Variants in DLG4 observed in about 807,000 individuals in gnomAD.
The protein encoded by DLG4 is discs large MAGUK scaffold protein 4.
Under a neutral mutation model 93.8 loss-of-function variants are expected in DLG4, and 7 were observed. The ratio of observed to expected loss-of-function variants is 0.07; its 90% CI spans 0.04 to 0.14. The LOEUF (loss-of-function observed/expected upper bound fraction) is 0.14, where lower values mean the gene tolerates loss of function less well. Among genes scored for constraint, DLG4 ranks in the 10% least tolerant of loss-of-function variants. DLG4 has a pLI of 1.00. For missense variants in DLG4, 545 were observed against 992.9 expected (o/e 0.55, Z 6.06); for synonymous variants, 341 against 387.6 (o/e 0.88, Z 1.41).
chr17:7,208,744 C>T lies in DLG4; in HGVS notation c.31-505G>A, dbSNP rs906357056. On this transcript the variant is annotated intron_variant, in intron 1 of 19. Coordinates refer to ENST00000399506, the MANE Select transcript of DLG4 (RefSeq NM_001321075.3). The surrounding 1 kb of genome is among the most constrained non-coding windows in gnomAD (Gnocchi z 5.4). Reference sequence around the variant, plus strand: ...CCTACTCTGCATGGCATCCTCCCCGCGCCCCACCTCCATGGCCTCAGTCTC... The same window carrying T: ...CCTACTCTGCATGGCATCCTCCCCGTGCCCCACCTCCATGGCCTCAGTCTC... Among the ~76,000 whole-genome samples, 4 of 152,180 alleles carry T rather than the reference C, an allele frequency of 2.6e-5. No individual in the cohort carries two copies. Among genetic ancestry groups the T allele is most frequent in the Admixed American group, 6.5e-5 (1 of 15,290 alleles).
In DLG4 at chr17:7,208,989, C is replaced by T. The variant is rs1046353252; in HGVS notation, c.31-750G>A. Among the ~76,000 whole-genome samples, 1 of 152,128 alleles carries T rather than the reference C, an allele frequency of 6.6e-6. No individual in the cohort carries two copies. On this transcript the variant is annotated intron_variant, in intron 1 of 19. Coordinates refer to ENST00000399506, the MANE Select transcript of DLG4 (RefSeq NM_001321075.3). This position sits in a 1 kb window ranked among gnomAD's most constrained non-coding sequence, Gnocchi z 5.4. ...ACCCCTGCAACAGCCCACAGCCCAGCCAGCTAATCCGGTTATGCTATAAGG... is the reference window on the plus strand; with the variant it reads ...ACCCCTGCAACAGCCCACAGCCCAGTCAGCTAATCCGGTTATGCTATAAGG...
chr17:7,211,590 C>G, intron 1 of DLG4: 1 of 620,820 alleles, frequency 1.6e-6, no homozygotes, highest in Non-Finnish European at 2.0e-6. Flanking sequence ...GCGCTTGAAG[C>G]TTGCACCCTG....
At position 7,191,638 on chromosome 17, in the gene DLG4, A is replaced by C; in HGVS notation, c.1976+255T>G. ...TGGGATTCGGACTCCAATTCCCAAC[A>C]GCCCTAGAGGCCCTGACTCGCCCCA... On this transcript the variant is annotated intron_variant, in intron 18 of 19. Coordinates refer to ENST00000399506, the MANE Select transcript of DLG4 (RefSeq NM_001321075.3). This position sits in a 1 kb window ranked among gnomAD's most constrained non-coding sequence, Gnocchi z 6.6. 1.7e-6 allele frequency: 1 copy of C among 593,592 alleles called. No individual in the cohort carries two copies. Among genetic ancestry groups the C allele is most frequent in the African/African-American group, 1.9e-5 (1 of 53,818 alleles). 36.8% of individuals were successfully genotyped at this position (593,592 alleles called of 1,614,324 possible). A position where few individuals can be genotyped will look rare whatever the true frequency, so the allele number is the denominator to read the frequency against.
intron 1 of DLG4, among the ~76,000 whole-genome samples, chr17:7,215,323 A>AG (rs1238652009): frequency 1.3e-5 from 2 of 152,216 alleles, no homozygotes; most frequent in Non-Finnish European, 2.9e-5. Flanking sequence ...TGGAAGAAGT[A>AG]GGAGTCTGGA....
chr17:7,218,776 C>A (rs890914810), upstream of DLG4: 283 of 1,610,012 alleles, frequency 1.8e-4, 1 homozygote, highest in Non-Finnish European at 2.2e-4. Flanking sequence ...TCTCCGAGCC[C>A]CAGCCCCCCA....
At chr17:7,197,795 A>G (rs1167410955) in intron 8 of DLG4, among the ~76,000 whole-genome samples, 1 of 152,068 alleles carries the variant, frequency 6.6e-6, no homozygotes, top group Non-Finnish European at 1.5e-5. Context: ...TATGAGGGAA[A>G]TTCTAACAGG....
chr17:7,207,710 G>A, intron 2 of DLG4, among the ~76,000 whole-genome samples: 1 of 151,726 alleles, frequency 6.6e-6, no homozygotes, highest in East Asian at 1.9e-4. Flanking sequence ...CACACGCACA[G>A]GCACACAAAC....
At chr17:7,218,209 A>G (rs1198164624), upstream of DLG4, 5 of 1,594,498 alleles carry the variant, frequency 3.1e-6, no homozygotes, top group Non-Finnish European at 3.4e-6. Flanking sequence ...CCTGCCCCTC[A>G]GGAAGTTAGG....
At position 7,217,167 on chromosome 17, in the gene DLG4, G is replaced by T. The variant is rs1356681613; in HGVS notation, c.-20C>A. ...GTCCATGTTGGGGGGCCTGGCCGCGGCGGCGGGTAAGGGGCTCTGACTTCA... is the reference window on the plus strand; with the variant it reads ...GTCCATGTTGGGGGGCCTGGCCGCGTCGGCGGGTAAGGGGCTCTGACTTCA... On this transcript the variant is annotated 5_prime_UTR_variant, in exon 1 of 20. Coordinates refer to ENST00000399506, the MANE Select transcript of DLG4 (RefSeq NM_001321075.3). 1.3e-5 allele frequency: 17 copies of T among 1,285,826 alleles called. No individual in the cohort carries two copies. The highest frequency in any genetic ancestry group is 1.5e-5 in the Non-Finnish European group (15 of 1,012,762). The allele number at this position is 1,285,826 out of a possible 1,614,324, so 79.7% of individuals were successfully genotyped here.
In DLG4 at chr17:7,188,251, C is replaced by A. The variant is rs1459328408; in HGVS notation, c.*2457G>T. On this transcript the variant is annotated 3_prime_UTR_variant, in exon 20 of 20. Transcript: ENST00000399506. ...GTGGCTACTGGTTGAAGTGACACCC[C>A]TTCAGCAATCTCTGCCTCTATTCTT... 2.0e-5 allele frequency among the ~76,000 whole-genome samples: 3 copies of A among 152,156 alleles called. No individual in the cohort carries two copies. Among genetic ancestry groups the A allele is most frequent in the African/African-American group, 7.2e-5 (3 of 41,442 alleles).
rs1441661722 is a variant in DLG4 at position 7,194,389 on chromosome 17, ACTC to A, written c.1405_1407del (p.Glu469del). 6.2e-7 allele frequency: 1 copy of A among 1,612,634 alleles called. No homozygotes were observed. Among genetic ancestry groups the A allele is most frequent in the Non-Finnish European group, 8.5e-7 (1 of 1,179,502 alleles). ...GAGTGGACCCGCCGTGCCTGCCACC[ACTC>A]CTCATCACTAGCATCGATGACATGC... On this transcript the variant is annotated inframe_deletion, in exon 12 of 20. Transcript: ENST00000399506. This position sits in a 1 kb window ranked among gnomAD's most constrained non-coding sequence, Gnocchi z 4.4.
intron 1 of DLG4, chr17:7,213,661 G>A (rs2070794791): frequency 2.3e-6 from 1 of 433,574 alleles, no homozygotes; most frequent in African/African-American, 2.1e-5. Flanking sequence ...AACTTAACCT[G>A]AAAGCCTCTC....
chr17:7,215,074 G>T (rs972035649), intron 1 of DLG4, among the ~76,000 whole-genome samples: 4 of 152,134 alleles, frequency 2.6e-5, no homozygotes, highest in East Asian at 1.9e-4. Flanking sequence ...CCCTCCGCTG[G>T]CTGCCCTGGA....
chr17:7,207,348 G>GAGCCAGCCAGCC (rs543025747), intron 2 of DLG4, among the ~76,000 whole-genome samples: 3 of 151,894 alleles, frequency 2.0e-5, no homozygotes, highest in Admixed American at 1.3e-4. Context: ...ACAGCATCAA[G>GAGCCAGCCAGCC]AGCCAGCCAG....
chr17:7,191,078 T>C lies in DLG4; in HGVS notation c.2068+189A>G, dbSNP rs961753660. Among the ~76,000 whole-genome samples, 6 of 148,642 alleles carry C rather than the reference T, an allele frequency of 4.0e-5. No homozygotes were observed. Among genetic ancestry groups the C allele is most frequent in the African/African-American group, 1.5e-4 (6 of 40,270 alleles). On this transcript the variant is annotated intron_variant, in intron 19 of 19. Coordinates refer to ENST00000399506, the MANE Select transcript of DLG4 (RefSeq NM_001321075.3). The surrounding 1 kb of genome is among the most constrained non-coding windows in gnomAD (Gnocchi z 6.6). Reference sequence around the variant, plus strand: ...TCTGCCTCCCAGGTTCAAGCGATTCTCCTGCCTCGGCCTACCGAGTAGCTG... The same window carrying C: ...TCTGCCTCCCAGGTTCAAGCGATTCCCCTGCCTCGGCCTACCGAGTAGCTG...
At chr17:7,219,918 A>ACTTGGG, upstream of DLG4, 1 of 1,567,556 alleles carries the variant, frequency 6.4e-7, no homozygotes, top group Non-Finnish European at 8.6e-7. Context: ...GGGCGCCAGG[A>ACTTGGG]CGTGGGCGTG....
chr17:7,196,321 G>A lies in DLG4; in HGVS notation c.1200C>T (p.Phe400=), dbSNP rs759927233. ...AQYKPEEYSR[F]EAKIHDLREQ... is the part of the protein sequence containing the mutation. Reference sequence around the variant, plus strand: ...CCCGAAGGTCGTGGATCTTGGCCTCGAATCGGCTGTACTCTGAGGAAGGAC... The same window carrying A: ...CCCGAAGGTCGTGGATCTTGGCCTCAAATCGGCTGTACTCTGAGGAAGGAC... The change falls in exon 11 of 20, where the codon TTC becomes TTT. Residue 400 remains phenylalanine (F), a synonymous_variant. Coordinates refer to ENST00000399506, the MANE Select transcript of DLG4 (RefSeq NM_001321075.3). This position sits in a 1 kb window ranked among gnomAD's most constrained non-coding sequence, Gnocchi z 8.3. The A allele has an allele frequency of 6.2e-6, 10 of 1,613,988 alleles. No individual in the cohort carries two copies. Among genetic ancestry groups the A allele is most frequent in the Admixed American group, 5.0e-5 (3 of 60,030 alleles).
At chr17:7,219,480 C>T (rs2071081819), upstream of DLG4, 1 of 1,041,140 alleles carries the variant, frequency 9.6e-7, no homozygotes. Flanking sequence ...GTACTCACAC[C>T]CTAGCTTGGG....
At chr17:7,201,017 A>C (rs1328300619) in intron 8 of DLG4, among the ~76,000 whole-genome samples, 1 of 150,460 alleles carries the variant, frequency 6.6e-6, no homozygotes, top group Non-Finnish European at 1.5e-5. Context: ...TCGCCACCAC[A>C]CCCAGCTAAT....
Sources: gnomAD v4.1 joint callset for allele counts (sites outside exome capture counted in the v4.1 genomes callset) on GRCh38, gnomAD v4.1.1 for gene constraint, Gnocchi (gnomAD v3.1) non-coding constraint, MANE v1.5 for transcripts, NCBI Gene and HGNC (gene_info 2026-07-23, HGNC 2026-07-21) for gene names.